CD200R1: variants seen among roughly 807,000 people sequenced by gnomAD.
CD200R1 encodes cell surface glycoprotein CD200 receptor 1.
In CD200R1, 30 loss-of-function variants were observed where a neutral mutation model predicts 38.1. The ratio of observed to expected loss-of-function variants is 0.79; its 90% CI spans 0.59 to 1.07. The LOEUF (loss-of-function observed/expected upper bound fraction) is 1.07, where lower values mean the gene tolerates loss of function less well. Among genes scored for constraint, CD200R1 ranks in the 50% least tolerant of loss-of-function variants. The probability of loss-of-function intolerance (pLI) is 0.00; values close to 1 mark genes in which losing one functional copy is unlikely to be tolerated. For synonymous variants in CD200R1, 128 were observed against 152.1 expected (o/e 0.84, Z 1.16); for missense variants, 372 against 415.4 (o/e 0.90, Z 0.91).
intron 2 of CD200R1, among the ~76,000 whole-genome samples, chr3:112,943,888 C>A (rs886805978): frequency 1.3e-5 from 2 of 151,620 alleles, no homozygotes; most frequent in Non-Finnish European, 3.0e-5. Context: ...AAAGATACAA[C>A]CTGCCAAAAC....
chr3:112,930,057 AT>A (rs143891006), intron 3 of CD200R1, among the ~76,000 whole-genome samples: 4,477 of 151,970 alleles, frequency 0.029, 206 homozygotes, highest in East Asian at 0.22. Flanking sequence ...CTAGCTAGAA[AT>A]TTTTTTAAGT....
chr3:112,964,649 A>T (rs950524107), intron 1 of CD200R1, among the ~76,000 whole-genome samples: 3 of 152,238 alleles, frequency 2.0e-5, no homozygotes, highest in African/African-American at 7.2e-5. Flanking sequence ...TTACAGGCTC[A>T]TAGGCAGAAG....
At position 112,960,449 on chromosome 3, in the gene CD200R1, A is replaced by G. The variant is rs150374908; in HGVS notation, c.68-12525T>C. Among the ~76,000 whole-genome samples, 1,127 of 152,160 alleles carry G rather than the reference A, an allele frequency of 7.4e-3. 6 individuals are homozygous for G. Among genetic ancestry groups the G allele is most frequent in the Non-Finnish European group, 0.012 (782 of 67,890 alleles). ...CCAGAATTTTTCTAGGGAACAAACTATTTTGCAGACATTTGAAATTTTAGG... is the reference window on the plus strand; with the variant it reads ...CCAGAATTTTTCTAGGGAACAAACTGTTTTGCAGACATTTGAAATTTTAGG... On this transcript the variant is annotated intron_variant, in intron 1 of 7. Coordinates refer to ENST00000308611, the MANE Select transcript of CD200R1 (RefSeq NM_138806.4).
At chr3:112,946,327 T>C (rs1940858853) in intron 2 of CD200R1, among the ~76,000 whole-genome samples, 1 of 152,216 alleles carries the variant, frequency 6.6e-6, no homozygotes, top group Admixed American at 6.5e-5. Flanking sequence ...GTGGAATTTT[T>C]TCCAAATATT....
chr3:112,936,142 T>C (rs1328850729), intron 2 of CD200R1, among the ~76,000 whole-genome samples: 3 of 152,238 alleles, frequency 2.0e-5, no homozygotes, highest in Non-Finnish European at 4.4e-5. Context: ...AACTCATCTA[T>C]ACATGGCTGC....
At chr3:112,964,794 CA>C (rs1296849455) in intron 1 of CD200R1, among the ~76,000 whole-genome samples, 7 of 152,204 alleles carry the variant, frequency 4.6e-5, no homozygotes, top group African/African-American at 1.7e-4. Flanking sequence ...TGGGAGGGTC[CA>C]GGGGCAGAAT....
chr3:112,941,165 G>C (rs1406513024), intron 2 of CD200R1, among the ~76,000 whole-genome samples: 1 of 151,684 alleles, frequency 6.6e-6, no homozygotes, highest in Non-Finnish European at 1.5e-5. Flanking sequence ...TAAGGGAAAG[G>C]GGGGAATAGA....
chr3:112,961,811 TA>T (rs961642498), intron 1 of CD200R1, among the ~76,000 whole-genome samples: 1 of 151,520 alleles, frequency 6.6e-6, no homozygotes, highest in Non-Finnish European at 1.5e-5. Flanking sequence ...CATGAACCAA[TA>T]AAAAAAGAGA....
At chr3:112,964,333 G>A (rs1008967203) in intron 1 of CD200R1, among the ~76,000 whole-genome samples, 8 of 152,168 alleles carry the variant, frequency 5.3e-5, no homozygotes, top group Admixed American at 3.9e-4. Context: ...CCCTGTAAAG[G>A]TCACAGACAC....
chr3:112,961,379 A>C (rs1933015581), intron 1 of CD200R1, among the ~76,000 whole-genome samples: 1 of 152,126 alleles, frequency 6.6e-6, no homozygotes, highest in African/African-American at 2.4e-5. Context: ...ACCAAAATAA[A>C]ATAAATAAAA....
At chr3:112,970,646 A>G (rs1218259443) in intron 1 of CD200R1, among the ~76,000 whole-genome samples, 2 of 147,826 alleles carry the variant, frequency 1.4e-5, no homozygotes, top group Non-Finnish European at 3.0e-5. Context: ...TTTTTCAGAC[A>G]CAACATAAAA....
At position 112,931,189 on chromosome 3, in the gene CD200R1, A is replaced by G; in HGVS notation, c.137-18T>C. On this transcript the variant is annotated intron_variant, in intron 2 of 7. Transcript: ENST00000308611. ...GCTTGAAGCTAGAAAATATTTAGAG[A>G]AGAATAAATGAAATCAATTTTATGT... The G allele has an allele frequency of 6.6e-7, 1 of 1,514,622 alleles. No individual in the cohort carries two copies. Among genetic ancestry groups the G allele is most frequent in the Admixed American group, 1.7e-5 (1 of 59,892 alleles). The allele number at this position is 1,514,622 out of a possible 1,614,324, so 93.8% of individuals were successfully genotyped here. A position where few individuals can be genotyped will look rare whatever the true frequency, so the allele number is the denominator to read the frequency against.
chr3:112,963,609 AG>A (rs1172390955), intron 1 of CD200R1, among the ~76,000 whole-genome samples: 1 of 152,214 alleles, frequency 6.6e-6, no homozygotes, highest in Non-Finnish European at 1.5e-5. Context: ...TAAGCAGCAA[AG>A]TATTCAAGAT....
chr3:112,947,907 G>T lies in CD200R1; in HGVS notation c.85C>A (p.Gln29Lys). The T allele has an allele frequency of 6.2e-7, 1 of 1,612,438 alleles. No individual in the cohort carries two copies. Among genetic ancestry groups the T allele is most frequent in the South Asian group, 1.1e-5 (1 of 91,044 alleles). The change falls in exon 2 of 8, where the codon CAA (glutamine) becomes AAA (lysine). Residue 29 changes from glutamine (Q) to lysine (K), a missense_variant. By Grantham distance (53) the Gln-to-Lys change is moderately conservative. Transcript: ENST00000308611. ...TGCAGCATTAATGAGTTGTTTGGTT[G>T]AGCAGCACCCTCCGCTTCTGAATTT... ...FLVAEAEGAA[Q>K]PNNSLMLQTS...
chr3:112,945,235 C>T (rs1390507377), intron 2 of CD200R1, among the ~76,000 whole-genome samples: 4 of 152,098 alleles, frequency 2.6e-5, no homozygotes, highest in Non-Finnish European at 5.9e-5. Context: ...TTAAGTTTAT[C>T]TAGAGAGGCA....
chr3:112,950,398 C>T (rs1386848721), intron 1 of CD200R1, among the ~76,000 whole-genome samples: 1 of 91,692 alleles, frequency 1.1e-5, no homozygotes, highest in East Asian at 2.8e-4. Flanking sequence ...GACACTCCGT[C>T]AAAGAAAAAA....
At chr3:112,940,424 G>T (rs1226265426) in intron 2 of CD200R1, among the ~76,000 whole-genome samples, 1 of 151,828 alleles carries the variant, frequency 6.6e-6, no homozygotes, top group African/African-American at 2.4e-5. Context: ...TCCAACAAAA[G>T]AGTAATATCC....
rs1576149097 is a variant in CD200R1, at chr3:112,957,298, T to C, written c.68-9374A>G. Reference sequence around the variant, plus strand: ...ATAGTTGTTCAAATTGATGTTTATATGGGGGAATGATTGCTAAAGAGTCCT... The same window carrying C: ...ATAGTTGTTCAAATTGATGTTTATACGGGGGAATGATTGCTAAAGAGTCCT... On this transcript the variant is annotated intron_variant, in intron 1 of 7. Coordinates refer to ENST00000308611, the MANE Select transcript of CD200R1 (RefSeq NM_138806.4). Among the ~76,000 whole-genome samples the C allele has an allele frequency of 5.3e-5, 8 of 152,350 alleles. No individual in the cohort carries two copies. In the South Asian group the frequency reaches 1.4e-3, roughly 28 times the overall value.
At chr3:112,933,879 G>A (rs1243005519) in intron 2 of CD200R1, among the ~76,000 whole-genome samples, 2 of 151,956 alleles carry the variant, frequency 1.3e-5, no homozygotes, top group South Asian at 2.1e-4. Flanking sequence ...AAACGTAGAG[G>A]AAAGGATTTC....
Sources: allele counts gnomAD v4.1 joint callset (sites outside exome capture counted in the v4.1 genomes callset), GRCh38; gene constraint gnomAD v4.1.1; transcripts MANE v1.5; gene names NCBI Gene and HGNC (gene_info 2026-07-23, HGNC 2026-07-21).